RUNX1: variants seen among roughly 807,000 people sequenced by gnomAD.
RUNX1 encodes the protein runt-related transcription factor 1.
In RUNX1, 19 loss-of-function variants were observed where a neutral mutation model predicts 42.8. The ratio of observed to expected loss-of-function variants is 0.44; its 90% CI spans 0.31 to 0.65. RUNX1 has a LOEUF of 0.65. RUNX1 is among the 30% of genes least tolerant of loss of function. RUNX1 has a pLI of 0.07. For missense variants in RUNX1, 528 were observed against 672.0 expected, an observed-to-expected ratio of 0.79 and a Z score of 2.37; for synonymous variants, 271 against 289.4, an observed-to-expected ratio of 0.94 and a Z score of 0.64.
At chr21:35,013,544 A>G (rs1421548355) in intron 2 of RUNX1, among the ~76,000 whole-genome samples, 1 of 152,180 alleles carries the variant, frequency 6.6e-6, no homozygotes, top group Admixed American at 6.5e-5. Context: ...AGAAGTTACA[A>G]TGAAAAAAAA....
At chr21:35,031,173 A>C (rs1029213658) in intron 2 of RUNX1, among the ~76,000 whole-genome samples, 5 of 152,150 alleles carry the variant, frequency 3.3e-5, no homozygotes, top group Non-Finnish European at 7.4e-5. Context: ...ACATGGAGAG[A>C]CCCTGTCTCT....
chr21:34,795,937 T>C (rs1405492406), intron 8 of RUNX1, among the ~76,000 whole-genome samples: 2 of 152,242 alleles, frequency 1.3e-5, no homozygotes, highest in Non-Finnish European at 2.9e-5. Context: ...CTGCCCATTA[T>C]TCCTCTTGCT....
intron 3 of RUNX1, 87 bp downstream of exon 3, chr21:34,892,838 T>C (rs983039264): frequency 2.5e-5 from 20 of 787,468 alleles, no homozygotes; most frequent in East Asian, 1.5e-4. Flanking sequence ...TCACAAGTTA[T>C]ACATAGAGAT....
At chr21:34,997,365 AGTGAGATAGGG>A (rs2059004275) in intron 2 of RUNX1, among the ~76,000 whole-genome samples, 1 of 152,198 alleles carries the variant, frequency 6.6e-6, no homozygotes, top group South Asian at 2.1e-4. Flanking sequence ...TTATTGCTGC[AGTGAGATAGGG>A]CAGTGTAATG....
At chr21:34,983,630 G>A (rs1321736939) in intron 2 of RUNX1, among the ~76,000 whole-genome samples, 1 of 152,164 alleles carries the variant, frequency 6.6e-6, no homozygotes, top group Non-Finnish European at 1.5e-5. Context: ...CAGGGGTTTA[G>A]ATTACTAAGA....
chr21:34,921,655 C>T (rs1449914040), intron 2 of RUNX1, among the ~76,000 whole-genome samples: 3 of 151,740 alleles, frequency 2.0e-5, no homozygotes, highest in Non-Finnish European at 4.4e-5. Flanking sequence ...TCTTTTGAGA[C>T]AGTGTCTCTC....
At chr21:34,800,660 G>A (rs1444352688) in intron 7 of RUNX1, among the ~76,000 whole-genome samples, 1 of 152,128 alleles carries the variant, frequency 6.6e-6, no homozygotes, top group Non-Finnish European at 1.5e-5. Context: ...GTTCAAGTTT[G>A]CCTTTCTGTT....
intron 2 of RUNX1, among the ~76,000 whole-genome samples, chr21:34,989,889 G>T (rs970214997): frequency 6.6e-6 from 1 of 152,196 alleles, no homozygotes; most frequent in Non-Finnish European, 1.5e-5. Flanking sequence ...ACACTGGGGA[G>T]AAGGTGGATT....
chr21:35,018,362 T>A (rs920756311), intron 2 of RUNX1, among the ~76,000 whole-genome samples: 2 of 151,926 alleles, frequency 1.3e-5, no homozygotes, highest in Non-Finnish European at 2.9e-5. Flanking sequence ...CCCTAGTATC[T>A]CAAAAGGTGA....
At chr21:34,819,745 C>G (rs1351670157) in intron 7 of RUNX1, among the ~76,000 whole-genome samples, 1 of 152,206 alleles carries the variant, frequency 6.6e-6, no homozygotes, top group Non-Finnish European at 1.5e-5. Context: ...GATGACAGGA[C>G]CATCAGTCAG....
intron 7 of RUNX1, 191 bp downstream of exon 7, chr21:34,834,219 G>A (rs1415641172): frequency 1.4e-6 from 1 of 707,748 alleles, no homozygotes; most frequent in Non-Finnish European, 2.6e-6. Context: ...GACTCGGTGG[G>A]TCTGGGGTGG....
chr21:35,041,348 G>A (rs937554139), intron 2 of RUNX1, among the ~76,000 whole-genome samples: 6 of 152,220 alleles, frequency 3.9e-5, no homozygotes, highest in African/African-American at 1.4e-4. Flanking sequence ...TCAGTCCTGA[G>A]ATCAGCAGAG....
At chr21:34,929,132 C>A (rs957366446) in intron 2 of RUNX1, among the ~76,000 whole-genome samples, 3 of 152,164 alleles carry the variant, frequency 2.0e-5, no homozygotes, top group African/African-American at 7.2e-5. Flanking sequence ...AAGCAGATTA[C>A]CTTTCAAATT....
chr21:35,009,579 G>A lies in RUNX1; in HGVS notation c.58+39263C>T, dbSNP rs1299271004. On this transcript the variant is annotated intron_variant, in intron 2 of 8. Transcript: ENST00000675419. ...ACCTAAGCATGCATCACTGAAAAACGGAGATCAAGGTGGTTCAAAGGCTTC... is the reference window on the plus strand; with the variant it reads ...ACCTAAGCATGCATCACTGAAAAACAGAGATCAAGGTGGTTCAAAGGCTTC... Among the ~76,000 whole-genome samples, 3 of 152,128 alleles carry A rather than the reference G, an allele frequency of 2.0e-5. No homozygotes were observed. The East Asian group carries it at 5.8e-4, about 29-fold the overall frequency.
chr21:34,902,846 A>G (rs1433234898), intron 2 of RUNX1, among the ~76,000 whole-genome samples: 2 of 152,136 alleles, frequency 1.3e-5, no homozygotes, highest in African/African-American at 2.4e-5. Flanking sequence ...TGCCACTTGG[A>G]ATTGTGGGAA....
chr21:35,008,044 C>T (rs2059098329), intron 2 of RUNX1, among the ~76,000 whole-genome samples: 1 of 152,166 alleles, frequency 6.6e-6, no homozygotes, highest in African/African-American at 2.4e-5. Flanking sequence ...CAAACACATG[C>T]TGTACCTTTT....
chr21:34,905,652 T>C (rs550406207), intron 2 of RUNX1, among the ~76,000 whole-genome samples: 1 of 152,260 alleles, frequency 6.6e-6, no homozygotes, highest in South Asian at 2.1e-4. Flanking sequence ...TGAGTAAAAT[T>C]AGGAAATTTG....
intron 7 of RUNX1, chr21:34,832,856 A>G (rs1482563243): frequency 6.6e-6 from 1 of 152,230 alleles, no homozygotes; most frequent in African/African-American, 2.4e-5. Flanking sequence ...CACCTAAATG[A>G]ACCTATAGAT....
intron 2 of RUNX1, among the ~76,000 whole-genome samples, chr21:35,046,360 A>G (rs1263460063): frequency 2.0e-5 from 3 of 152,222 alleles, no homozygotes; most frequent in Admixed American, 2.0e-4. Context: ...AATGAGTTAC[A>G]GGTTTCCTTC....
Sources: gnomAD v4.1 joint callset for allele counts (sites outside exome capture counted in the v4.1 genomes callset) on GRCh38, gnomAD v4.1.1 for gene constraint, MANE v1.5 for transcripts, NCBI Gene and HGNC (gene_info 2026-07-23, HGNC 2026-07-21) for gene names.